The following TBC1D4 variants were observed in gnomAD, a reference collection of about 807,000 sequenced individuals.
TBC1D4 encodes the protein TBC1 domain family member 4.
TBC1D4 carries 121 observed loss-of-function variants against 142.5 expected under a neutral mutation model. That is an observed-to-expected ratio of 0.85 (90% confidence interval 0.73 to 0.99). The LOEUF is 0.99. Ranked by LOEUF, TBC1D4 falls within the 50% of genes least tolerant of loss-of-function variation. TBC1D4 has a pLI of 0.00. For synonymous variants in TBC1D4, 630 were observed against 628.2 expected (o/e 1.00, Z -0.04); for missense variants, 1,475 against 1,606.6 (o/e 0.92, Z 1.40).
chr13:75,366,889 G>A (rs568060779), intron 1 of TBC1D4: 1 of 815,920 alleles, frequency 1.2e-6, no homozygotes, highest in African/African-American at 2.6e-5. Context: ...AATCTGGAGA[G>A]TGAAAAAGCA....
chr13:75,441,909 C>T (rs1374785534), intron 1 of TBC1D4, among the ~76,000 whole-genome samples: 1 of 152,204 alleles, frequency 6.6e-6, no homozygotes, highest in East Asian at 1.9e-4. Flanking sequence ...AAATTAGACT[C>T]TGTAACACTT....
At chr13:75,392,087 G>C (rs1281201741) in intron 1 of TBC1D4, among the ~76,000 whole-genome samples, 1 of 151,532 alleles carries the variant, frequency 6.6e-6, no homozygotes, top group African/African-American at 2.4e-5. Context: ...CTATAATATT[G>C]TACTTTTTTA....
rs934495918 is a variant in TBC1D4 at position 75,286,015 on chromosome 13, T to G, written c.*777A>C. The G allele has an allele frequency of 1.3e-5, 2 of 152,672 alleles. No individual in the cohort carries two copies. Among genetic ancestry groups the G allele is most frequent in the African/African-American group, 4.8e-5 (2 of 41,464 alleles). 9.5% of individuals were successfully genotyped at this position (152,672 alleles called of 1,614,324 possible). A position where few individuals can be genotyped will look rare whatever the true frequency, so the allele number is the denominator to read the frequency against. On this transcript the variant is annotated 3_prime_UTR_variant, in exon 21 of 21. Transcript: ENST00000377636. ...TTTTTCAGGTGTGATATTTTTAGTT[T>G]GAGTAATAATGCTGGTCTAGTTTGC...
At chr13:75,300,980 C>T (rs555023753) in intron 16 of TBC1D4, among the ~76,000 whole-genome samples, 170 of 152,148 alleles carry the variant, frequency 1.1e-3, no homozygotes, top group African/African-American at 3.9e-3. Context: ...TTTTTAATTC[C>T]GCTGGGCTCA....
At chr13:75,337,423 A>G (rs2138060219) in intron 7 of TBC1D4, among the ~76,000 whole-genome samples, 1 of 152,322 alleles carries the variant, frequency 6.6e-6, no homozygotes, top group African/African-American at 2.4e-5. Flanking sequence ...CACAGAACAC[A>G]AGTTCCAAAG....
chr13:75,396,801 G>A (rs1404760147), intron 1 of TBC1D4, among the ~76,000 whole-genome samples: 2 of 152,074 alleles, frequency 1.3e-5, no homozygotes, highest in African/African-American at 4.8e-5. Context: ...AACATTCTGA[G>A]CACTTGAGTA....
At chr13:75,303,035 A>G (rs1269999544) in intron 15 of TBC1D4, among the ~76,000 whole-genome samples, 1 of 152,214 alleles carries the variant, frequency 6.6e-6, no homozygotes, top group East Asian at 1.9e-4. Context: ...ATGAAAGAAT[A>G]GGCCAGGTAC....
chr13:75,460,500 G>A (rs924801942), intron 1 of TBC1D4, among the ~76,000 whole-genome samples: 2 of 152,068 alleles, frequency 1.3e-5, no homozygotes, highest in Admixed American at 6.5e-5. Flanking sequence ...AGGTGGGCAC[G>A]AGGAATGATG....
At chr13:75,456,373 T>C (rs965102306) in intron 1 of TBC1D4, among the ~76,000 whole-genome samples, 16 of 152,046 alleles carry the variant, frequency 1.1e-4, no homozygotes, top group African/African-American at 3.9e-4. Flanking sequence ...AGAATGAAAA[T>C]CGAAGCAACA....
chr13:75,310,171 G>A lies in TBC1D4; in HGVS notation c.2384-20C>T. On this transcript the variant is annotated intron_variant, in intron 13 of 20. Transcript: ENST00000377636. Reference sequence around the variant, plus strand: ...ATCCATCTGCAGAGAAGAACACAGTGAGAGGCATTCCTTAGCAGTAACCCA... The same window carrying A: ...ATCCATCTGCAGAGAAGAACACAGTAAGAGGCATTCCTTAGCAGTAACCCA... 6.2e-7 allele frequency: 1 copy of A among 1,609,210 alleles called. No homozygotes were observed. Among genetic ancestry groups the A allele is most frequent in the Non-Finnish European group, 8.5e-7 (1 of 1,177,040 alleles).
At chr13:75,373,855 C>T (rs1366187417) in intron 1 of TBC1D4, among the ~76,000 whole-genome samples, 1 of 152,126 alleles carries the variant, frequency 6.6e-6, no homozygotes. Flanking sequence ...CAAACGCTCC[C>T]TTCCCTCCCC....
rs151218264 is a variant in TBC1D4, at chr13:75,383,487, C to G, written c.499-20880G>C. 2.4e-3 allele frequency among the ~76,000 whole-genome samples: 373 copies of G among 152,280 alleles called. 1 individual carries two copies. Among genetic ancestry groups the G allele is most frequent in the African/African-American group, 8.9e-3 (368 of 41,550 alleles). Reference sequence around the variant, plus strand: ...GTTTTTATCCTCATTGCACTTAATACATTTGGACTCGTACAGTAGTCCCTC... The same window carrying G: ...GTTTTTATCCTCATTGCACTTAATAGATTTGGACTCGTACAGTAGTCCCTC... On this transcript the variant is annotated intron_variant, in intron 1 of 20. Coordinates refer to ENST00000377636, the MANE Select transcript of TBC1D4 (RefSeq NM_014832.5).
intron 1 of TBC1D4, among the ~76,000 whole-genome samples, chr13:75,452,919 G>A (rs1274047677): frequency 1.3e-5 from 2 of 152,234 alleles, no homozygotes; most frequent in Admixed American, 6.5e-5. Context: ...GCCGTCAGGG[G>A]ATAGCGTCTC....
At chr13:75,333,342 A>T (rs781297877) in intron 8 of TBC1D4, among the ~76,000 whole-genome samples, 19 of 152,164 alleles carry the variant, frequency 1.2e-4, no homozygotes, top group Non-Finnish European at 2.4e-4. Context: ...AGTACTTGTG[A>T]TCCATTAATA....
At chr13:75,363,590 G>A (rs758658241) in intron 1 of TBC1D4, among the ~76,000 whole-genome samples, 1 of 151,148 alleles carries the variant, frequency 6.6e-6, no homozygotes, top group Admixed American at 6.6e-5. Context: ...CTTTCCAGAC[G>A]GATCCAAGGT....
At position 75,295,906 on chromosome 13, in the gene TBC1D4, CTTCT is replaced by C. The variant is rs1246013792; in HGVS notation, c.3157-897_3157-894del. 6.6e-5 allele frequency among the ~76,000 whole-genome samples: 10 copies of C among 152,174 alleles called. No homozygotes were observed. The East Asian group carries it at 1.7e-3, about 26-fold the overall frequency. Reference sequence around the variant, plus strand: ...AAATGTTTTATTAAATCTAGCAGAACTTCTTTCACTAGAAGAAATTATTAAAACA... The same window carrying C: ...AAATGTTTTATTAAATCTAGCAGAACTTCACTAGAAGAAATTATTAAAACA... On this transcript the variant is annotated intron_variant, in intron 17 of 20. Coordinates refer to ENST00000377636, the MANE Select transcript of TBC1D4 (RefSeq NM_014832.5).
At position 75,481,430 on chromosome 13, in the gene TBC1D4, T is replaced by C. The variant is rs375426745; in HGVS notation, c.338A>G (p.Asn113Ser). ...GGTSPSATQP[N>S]PAVFIFEHKA... Reference sequence around the variant, plus strand: ...GTGCTCGAAGATGAATACCGCCGGGTTGGGCTGCGTGGCCGACGGACTAGT... The same window carrying C: ...GTGCTCGAAGATGAATACCGCCGGGCTGGGCTGCGTGGCCGACGGACTAGT... The change falls in exon 1 of 21, where the codon AAC (asparagine) becomes AGC (serine). Residue 113 changes from asparagine (N) to serine (S), a missense_variant. Asn to Ser is a conservative substitution (Grantham distance 46). Around this residue, in one of 2 missense-constraint regions of TBC1D4, gnomAD observed 1,227 missense variants for 1,267.7 expected, o/e 0.97. Coordinates refer to ENST00000377636, the MANE Select transcript of TBC1D4 (RefSeq NM_014832.5). 2.4e-5 allele frequency: 39 copies of C among 1,613,686 alleles called. 1 individual carries two copies. Among genetic ancestry groups the C allele is most frequent in the African/African-American group, 2.1e-4 (16 of 74,986 alleles).
At chr13:75,418,340 T>C (rs146678420) in intron 1 of TBC1D4, among the ~76,000 whole-genome samples, 1 of 152,102 alleles carries the variant, frequency 6.6e-6, no homozygotes, top group African/African-American at 2.4e-5. Context: ...AGAATCCAGA[T>C]GGAGGGATAA....
At chr13:75,380,351 T>C (rs1883759960) in intron 1 of TBC1D4, among the ~76,000 whole-genome samples, 1 of 151,908 alleles carries the variant, frequency 6.6e-6, no homozygotes, top group East Asian at 2.0e-4. Context: ...CTGGTGCCTG[T>C]AATCCCAGCT....
Sources: gnomAD v4.1 joint callset for allele counts (sites outside exome capture counted in the v4.1 genomes callset) on GRCh38, gnomAD v4.1.1 for gene constraint, gnomAD v4.1.1 regional missense constraint, MANE v1.5 for transcripts, NCBI Gene and HGNC (gene_info 2026-07-23, HGNC 2026-07-21) for gene names.